The following GKAP1 variants were observed in gnomAD, a reference collection of about 807,000 sequenced individuals.
The protein encoded by GKAP1 is G kinase-anchoring protein 1.
GKAP1 carries 31 observed loss-of-function variants against 56.7 expected under a neutral mutation model. The observed-to-expected ratio is 0.55, with a 90% CI of 0.41 to 0.74. The LOEUF (loss-of-function observed/expected upper bound fraction) is 0.74. Among genes scored for constraint, GKAP1 ranks in the 30% least tolerant of loss-of-function variants. GKAP1 has a pLI of 0.00. For synonymous variants in GKAP1, 151 were observed against 138.6 expected (o/e 1.09, Z -0.63); for missense variants, 364 against 402.3 (o/e 0.90, Z 0.82).
intron 7 of GKAP1, among the ~76,000 whole-genome samples, chr9:83,771,727 A>G (rs959458505): frequency 2.6e-5 from 4 of 152,218 alleles, no homozygotes; most frequent in Admixed American, 6.5e-5. Flanking sequence ...TGCTTCATAA[A>G]ATAGTTCCAG....
In GKAP1 at chr9:83,779,446, T is replaced by TACACAC. The variant is rs1451197767; in HGVS notation, c.585+935_585+936insGTGTGT. Reference sequence around the variant, plus strand: ...GAAGCCATATATATATATATATATATATACACACACACACACACGCACATA... The same window carrying TACACAC: ...GAAGCCATATATATATATATATATATACACACATACACACACACACACACGCACATA... On this transcript the variant is annotated intron_variant, in intron 7 of 12. Coordinates refer to ENST00000376371, the MANE Select transcript of GKAP1 (RefSeq NM_025211.4). Among the ~76,000 whole-genome samples the TACACAC allele has an allele frequency of 1.5e-3, 180 of 118,024 alleles. 6 individuals carry two copies. The highest frequency in any genetic ancestry group is 4.4e-3 in the East Asian group (17 of 3,858). The allele number at this position is 118,024 out of a possible 152,430, so 77.4% of individuals were successfully genotyped here.
At chr9:83,779,638 CACAT>C (rs200418441) in intron 7 of GKAP1, among the ~76,000 whole-genome samples, 1,657 of 145,860 alleles carry the variant, frequency 0.011, 34 homozygotes, top group African/African-American at 0.042. Flanking sequence ...CACACACACA[CACAT>C]TCTAAAGTGA....
intron 7 of GKAP1, among the ~76,000 whole-genome samples, chr9:83,774,357 T>G (rs1231848390): frequency 6.6e-6 from 1 of 151,626 alleles, no homozygotes; most frequent in East Asian, 2.0e-4. Context: ...GTCCCAGCAC[T>G]TTGGGAGGTC....
intron 3 of GKAP1, among the ~76,000 whole-genome samples, chr9:83,804,663 G>C (rs1944404270): frequency 6.8e-6 from 1 of 147,418 alleles, no homozygotes; most frequent in Admixed American, 6.6e-5. Flanking sequence ...CCCCGTCCGG[G>C]AGGGAGGTGG....
chr9:83,804,111 G>A (rs1020847147), intron 3 of GKAP1, among the ~76,000 whole-genome samples: 33 of 149,874 alleles, frequency 2.2e-4, no homozygotes, highest in African/African-American at 7.1e-4. Context: ...CGCCCCGTCC[G>A]GGAGGGAGGT....
intron 2 of GKAP1, among the ~76,000 whole-genome samples, chr9:83,808,068 CATGTT>C (rs1349524815): frequency 6.6e-6 from 1 of 152,124 alleles, no homozygotes. Context: ...ATTACAGTAT[CATGTT>C]AAGACAAATT....
Position 83,748,372 on chromosome 9 carries a change from C to A in GKAP1, c.841G>T (p.Ala281Ser). Residue 281 changes from alanine (A) to serine (S), a missense_variant and splice_region_variant, in exon 10 of 13, where the codon GCA (alanine) becomes TCA (serine). Coordinates refer to ENST00000376371, the MANE Select transcript of GKAP1 (RefSeq NM_025211.4). Reference sequence around the variant, plus strand: ...CTTGCCTTTACTTCCTTATACTTTGCCTAATAGTCAAAGAAAAAAGATTTA... The same window carrying A: ...CTTGCCTTTACTTCCTTATACTTTGACTAATAGTCAAAGAAAAAAGATTTA... ...KLKNVITQWE[A>S]KYKEVKARNA... 2 of 1,527,598 alleles carry A rather than the reference C, an allele frequency of 1.3e-6. No individual in the cohort carries two copies. The highest frequency in any genetic ancestry group is 1.8e-6 in the Non-Finnish European group (2 of 1,125,958). 94.6% of individuals were successfully genotyped at this position (1,527,598 alleles called of 1,614,324 possible).
intron 7 of GKAP1, among the ~76,000 whole-genome samples, chr9:83,779,561 A>G (rs982815564): frequency 8.5e-6 from 1 of 117,696 alleles, no homozygotes; most frequent in Non-Finnish European, 1.6e-5. Flanking sequence ...GTATATGTGT[A>G]TATATATACA....
intron 7 of GKAP1, among the ~76,000 whole-genome samples, chr9:83,779,459 ACACACG>A (rs1377004025): frequency 3.2e-5 from 3 of 93,188 alleles, no homozygotes; most frequent in Admixed American, 2.9e-4. Context: ...ACACACACAC[ACACACG>A]CACATATACA....
At chr9:83,748,196 C>T (rs551091746) in intron 10 of GKAP1, 113 bp downstream of exon 10, 28 of 626,648 alleles carry the variant, frequency 4.5e-5, no homozygotes, top group Middle Eastern at 2.8e-4. Flanking sequence ...CTATAGTCAC[C>T]CTATTGTGCT....
At chr9:83,754,077 C>A (rs1353268708) in intron 8 of GKAP1, among the ~76,000 whole-genome samples, 1 of 151,874 alleles carries the variant, frequency 6.6e-6, no homozygotes, top group Non-Finnish European at 1.5e-5. Context: ...TTATATAAGG[C>A]AAAATAAATA....
chr9:83,770,859 G>A (rs539907003), intron 7 of GKAP1, among the ~76,000 whole-genome samples: 43 of 151,886 alleles, frequency 2.8e-4, no homozygotes, highest in East Asian at 1.2e-3. Flanking sequence ...TGCGTCCGGC[G>A]TTACATTACG....
chr9:83,805,565 C>A (rs1297124826), intron 3 of GKAP1, among the ~76,000 whole-genome samples: 1 of 151,726 alleles, frequency 6.6e-6, no homozygotes, highest in Non-Finnish European at 1.5e-5. Context: ...TGGAAAACTG[C>A]TCATGGTTAA....
intron 6 of GKAP1, among the ~76,000 whole-genome samples, chr9:83,783,543 A>C (rs1944013474): frequency 6.6e-6 from 1 of 152,242 alleles, no homozygotes. Context: ...TTTATCTTCA[A>C]AAGTTTAGTG....
chr9:83,772,577 A>G (rs1189529648), intron 7 of GKAP1, among the ~76,000 whole-genome samples: 2 of 151,692 alleles, frequency 1.3e-5, no homozygotes, highest in Admixed American at 1.3e-4. Flanking sequence ...TGTGCTTCAA[A>G]AGACACAATT....
chr9:83,796,471 CT>C (rs1554745389), intron 4 of GKAP1, among the ~76,000 whole-genome samples: 1 of 151,866 alleles, frequency 6.6e-6, no homozygotes, highest in East Asian at 1.9e-4. Flanking sequence ...ACCCATCTCA[CT>C]TTTTTTTGTT....
At chr9:83,751,694 T>C (rs1943392062) in intron 9 of GKAP1, among the ~76,000 whole-genome samples, 1 of 151,952 alleles carries the variant, frequency 6.6e-6, no homozygotes, top group South Asian at 2.1e-4. Flanking sequence ...TAAATAATTG[T>C]TGAGTGAATT....
chr9:83,811,635 AG>A (rs1944507026), intron 2 of GKAP1, among the ~76,000 whole-genome samples: 1 of 152,194 alleles, frequency 6.6e-6, no homozygotes. Context: ...CATGTCTGAA[AG>A]GGTACTTCTG....
intron 9 of GKAP1, among the ~76,000 whole-genome samples, chr9:83,750,990 C>G (rs554427258): frequency 6.6e-6 from 1 of 152,238 alleles, no homozygotes; most frequent in African/African-American, 2.4e-5. Context: ...CGCGTGCCAC[C>G]AAGCCCGGCT....
Sources: allele counts gnomAD v4.1 joint callset (sites outside exome capture counted in the v4.1 genomes callset), GRCh38; gene constraint gnomAD v4.1.1; transcripts MANE v1.5; gene names NCBI Gene and HGNC (gene_info 2026-07-23, HGNC 2026-07-21).